The following SYT9 variants were observed in gnomAD, a reference collection of about 807,000 sequenced individuals.
SYT9 encodes the protein synaptotagmin-9.
In SYT9, 22 loss-of-function variants were observed where a neutral mutation model predicts 48.4. The ratio of observed to expected loss-of-function variants is 0.45; its 90% confidence interval spans 0.32 to 0.65. The LOEUF is 0.65. Ranked by LOEUF, SYT9 falls within the 30% of genes least tolerant of loss-of-function variation. The pLI is 0.03. For missense variants in SYT9, 577 were observed against 622.0 expected, an observed-to-expected ratio of 0.93 and a Z score of 0.77; for synonymous variants, 265 against 245.0, an observed-to-expected ratio of 1.08 and a Z score of -0.76.
intron 1 of SYT9, among the ~76,000 whole-genome samples, chr11:7,286,782 A>C (rs1467601434): frequency 6.6e-6 from 1 of 152,186 alleles, no homozygotes; most frequent in Non-Finnish European, 1.5e-5. Flanking sequence ...GCATAGCAAG[A>C]GTGATCTTTA....
intron 1 of SYT9, among the ~76,000 whole-genome samples, chr11:7,263,591 C>T (rs1440054849): frequency 2.6e-5 from 4 of 152,034 alleles, no homozygotes; most frequent in African/African-American, 7.2e-5. Flanking sequence ...CAGAAAGTAA[C>T]GTGGAGAAAA....
Position 7,342,744 on chromosome 11 carries a change from G to T in SYT9, c.1044+28803G>T, listed in dbSNP as rs756374550. On this transcript the variant is annotated intron_variant, in intron 3 of 6. Coordinates refer to ENST00000318881, the MANE Select transcript of SYT9 (RefSeq NM_175733.4). ...TAGGCAGTGCCCCAGTGGGGACTCTGTGTGGGGGCTTCAACACCACATTTC... is the reference window on the plus strand; with the variant it reads ...TAGGCAGTGCCCCAGTGGGGACTCTTTGTGGGGGCTTCAACACCACATTTC... Among the ~76,000 whole-genome samples the T allele has an allele frequency of 3.9e-4, 60 of 152,194 alleles. 2 individuals carry two copies. Among genetic ancestry groups the T allele is most frequent in the Non-Finnish European group, 2.4e-4 (16 of 68,034 alleles).
upstream of SYT9, among the ~76,000 whole-genome samples, chr11:7,247,616 C>CGTATATATACATATATAT (rs1847809752): frequency 1.5e-5 from 2 of 129,560 alleles, no homozygotes; most frequent in Admixed American, 1.7e-4. Flanking sequence ...TACATATATA[C>CGTATATATACATATATAT]GTGTATATAT....
At chr11:7,343,218 C>G (rs561358417) in intron 3 of SYT9, among the ~76,000 whole-genome samples, 3 of 152,356 alleles carry the variant, frequency 2.0e-5, no homozygotes, top group Admixed American at 6.5e-5. Context: ...ATTTCTACAG[C>G]AGGCTTGAAT....
At chr11:7,425,614 G>T (rs1847439495) in intron 6 of SYT9, among the ~76,000 whole-genome samples, 1 of 152,170 alleles carries the variant, frequency 6.6e-6, no homozygotes. Flanking sequence ...TACTCAGCAA[G>T]CATTAAGGCC....
chr11:7,451,476 TCTC>T (rs1848046071), intron 6 of SYT9, among the ~76,000 whole-genome samples: 1 of 152,230 alleles, frequency 6.6e-6, no homozygotes, highest in South Asian at 2.1e-4. Flanking sequence ...CAGCTTTTCT[TCTC>T]CTCTTCAGAT....
At chr11:7,253,746 T>A (rs1552464) in intron 1 of SYT9, among the ~76,000 whole-genome samples, 1 of 152,214 alleles carries the variant, frequency 6.6e-6, no homozygotes, top group African/African-American at 2.4e-5. Flanking sequence ...CCTATGTGCA[T>A]CTCATTGCTG....
intron 1 of SYT9, among the ~76,000 whole-genome samples, chr11:7,300,117 C>T (rs1160643025): frequency 6.6e-6 from 1 of 151,452 alleles, no homozygotes; most frequent in Non-Finnish European, 1.5e-5. Context: ...ACACAAATTA[C>T]CTTTTTTTTT....
intron 6 of SYT9, among the ~76,000 whole-genome samples, chr11:7,462,658 A>G (rs12283069): frequency 0.37 from 56,798 of 152,100 alleles, 12,441 homozygotes; most frequent in African/African-American, 0.62. Context: ...GTGGTAAGCA[A>G]TAAATAGTCA....
In SYT9 at chr11:7,468,677, A is replaced by G. The variant is rs1002145203; in HGVS notation, c.*1877A>G. On this transcript the variant is annotated 3_prime_UTR_variant, in exon 7 of 7. Transcript: ENST00000318881. ...CAATAGATATCAGGCAGCAATCCCA[A>G]TAAATTCTGACATGTCCTTGGCAAT... The G allele has an allele frequency of 7.7e-5, 14 of 181,978 alleles. 1 individual carries two copies. The South Asian group carries it at 2.2e-3, about 28-fold the overall frequency. 11.3% of individuals were successfully genotyped at this position (181,978 alleles called of 1,614,324 possible). A position where few individuals can be genotyped will look rare whatever the true frequency, so the allele number is the denominator to read the frequency against.
At chr11:7,341,536 C>G (rs1165265422) in intron 3 of SYT9, among the ~76,000 whole-genome samples, 1 of 152,182 alleles carries the variant, frequency 6.6e-6, no homozygotes, top group Non-Finnish European at 1.5e-5. Flanking sequence ...GCTCCTCTTT[C>G]ACCTTCTGCC....
chr11:7,367,699 G>A (rs1180817046), intron 3 of SYT9, among the ~76,000 whole-genome samples: 1 of 151,964 alleles, frequency 6.6e-6, no homozygotes, highest in Admixed American at 6.6e-5. Flanking sequence ...TGAAATTAAA[G>A]GTGTCAGGTT....
chr11:7,396,900 A>G (rs992914799), intron 3 of SYT9, among the ~76,000 whole-genome samples: 7 of 152,168 alleles, frequency 4.6e-5, no homozygotes, highest in African/African-American at 1.7e-4. Context: ...TTATACATAC[A>G]GTCTTTTATT....
At chr11:7,407,671 C>T (rs1290884532) in intron 3 of SYT9, among the ~76,000 whole-genome samples, 1 of 52,238 alleles carries the variant, frequency 1.9e-5, no homozygotes, top group South Asian at 3.1e-4. Context: ...TGAGCCACCG[C>T]GCCCGGCCTT....
At chr11:7,294,581 A>G (rs1254692881) in intron 1 of SYT9, among the ~76,000 whole-genome samples, 4 of 152,222 alleles carry the variant, frequency 2.6e-5, no homozygotes, top group African/African-American at 9.6e-5. Context: ...AGAAAGAGGT[A>G]ACAGGTCCTG....
chr11:7,396,492 T>C (rs1210739710), intron 3 of SYT9, among the ~76,000 whole-genome samples: 1 of 152,184 alleles, frequency 6.6e-6, no homozygotes, highest in Non-Finnish European at 1.5e-5. Flanking sequence ...TATACCACAC[T>C]TTGTTTATTC....
intron 1 of SYT9, among the ~76,000 whole-genome samples, chr11:7,272,179 G>A (rs1848309687): frequency 6.6e-6 from 1 of 152,124 alleles, no homozygotes; most frequent in South Asian, 2.1e-4. Context: ...GGATAATAAT[G>A]CTTATAGGGG....
At chr11:7,460,505 A>G (rs1848217465) in intron 6 of SYT9, among the ~76,000 whole-genome samples, 1 of 152,122 alleles carries the variant, frequency 6.6e-6, no homozygotes, top group East Asian at 1.9e-4. Context: ...GTTAAACAAA[A>G]TTGTTCTCAA....
chr11:7,413,264 TG>T (rs1467831617), intron 3 of SYT9, among the ~76,000 whole-genome samples: 1 of 152,170 alleles, frequency 6.6e-6, no homozygotes, highest in Non-Finnish European at 1.5e-5. Context: ...CAAAAGTATC[TG>T]GCCTCATCTC....
Sources: allele counts gnomAD v4.1 joint callset (sites outside exome capture counted in the v4.1 genomes callset), GRCh38; gene constraint gnomAD v4.1.1; transcripts MANE v1.5; gene names NCBI Gene and HGNC (gene_info 2026-07-23, HGNC 2026-07-21).